TAX1BP1: variants seen among roughly 807,000 people sequenced by gnomAD.
TAX1BP1 encodes the protein tax1-binding protein 1.
Under a neutral mutation model 97.7 loss-of-function variants are expected in TAX1BP1, and 62 were observed. The observed-to-expected ratio is 0.63, with a 90% confidence interval of 0.52 to 0.78. The LOEUF (loss-of-function observed/expected upper bound fraction) is 0.78, where lower values mean the gene tolerates loss of function less well. TAX1BP1 is among the 30% of genes least tolerant of loss of function. TAX1BP1 has a pLI of 0.00. For missense variants in TAX1BP1, 867 were observed against 916.1 expected (o/e 0.95, Z 0.69); for synonymous variants, 340 against 304.2 (o/e 1.12, Z -1.23).
At chr7:27,759,630 C>T (rs1481166263) in intron 3 of TAX1BP1, among the ~76,000 whole-genome samples, 3 of 151,648 alleles carry the variant, frequency 2.0e-5, no homozygotes, top group Non-Finnish European at 4.4e-5. Flanking sequence ...TTGCTTTCCC[C>T]TGGGGCTGGC....
In TAX1BP1 at chr7:27,800,061, G is replaced by A. The variant is rs777495552; in HGVS notation, c.1735G>A (p.Glu579Lys). 2 of 1,594,592 alleles carry A rather than the reference G, an allele frequency of 1.3e-6. No individual in the cohort carries two copies. Among genetic ancestry groups the A allele is most frequent in the Non-Finnish European group, 1.7e-6 (2 of 1,170,688 alleles). The change falls in exon 13 of 17, where the codon GAA (glutamate) becomes AAA (lysine). Residue 579 changes from glutamate to lysine, a missense_variant. This residue lies in a region of TAX1BP1 where 822 missense variants were observed against 851.4 expected (regional missense o/e 0.97). Transcript: ENST00000396319. ...QVKIAENVKL[E>K]LAEVQDNYKE... Reference sequence around the variant, plus strand: ...GAAAATTGCTGAAAATGTAAAACTTGAACTAGCTGAAGTACAGGACAATTA... The same window carrying A: ...GAAAATTGCTGAAAATGTAAAACTTAAACTAGCTGAAGTACAGGACAATTA...
chr7:27,809,503 G>A (rs1205657966), intron 13 of TAX1BP1, among the ~76,000 whole-genome samples: 1 of 152,220 alleles, frequency 6.6e-6, no homozygotes, highest in African/African-American at 2.4e-5. Flanking sequence ...GTGAATGCAA[G>A]TTTAAGAACC....
intron 3 of TAX1BP1, 90 bp from the exon 4 acceptor site, chr7:27,765,744 G>A: frequency 9.0e-7 from 1 of 1,112,604 alleles, no homozygotes; most frequent in South Asian, 1.5e-5. Flanking sequence ...AACAGTGTGG[G>A]GAATGAGACA....
At position 27,793,069 on chromosome 7, in the gene TAX1BP1, A is replaced by G; in HGVS notation, c.1267A>G (p.Lys423Glu). 6.3e-7 allele frequency: 1 copy of G among 1,595,056 alleles called. No homozygotes were observed. The highest frequency in any genetic ancestry group is 1.2e-5 in the South Asian group (1 of 86,690). Residue 423 changes from lysine to glutamate, a missense_variant, in exon 10 of 17, where the codon AAG becomes GAG. Transcript: ENST00000396319. ...TCAAATGTTTGTTTCTTTCTAGGAC[A>G]AGACTGATACACTGGAACACGAACT... ...KLNAMKKDQD[K>E]TDTLEHELRR...
At chr7:27,801,137 A>AG (rs386409782) in intron 13 of TAX1BP1, among the ~76,000 whole-genome samples, 1 of 151,492 alleles carries the variant, frequency 6.6e-6, no homozygotes, top group African/African-American at 2.4e-5. Context: ...AGAGAAAAAA[A>AG]AAAAACAGGC....
At chr7:27,777,925 C>A (rs1429156898) in intron 5 of TAX1BP1, among the ~76,000 whole-genome samples, 1 of 152,094 alleles carries the variant, frequency 6.6e-6, no homozygotes, top group Non-Finnish European at 1.5e-5. Flanking sequence ...TGGTAGAGTT[C>A]ATTTGGTTCT....
chr7:27,828,507 T>C lies in TAX1BP1; in HGVS notation c.2169-121T>C, dbSNP rs563804182. 637 of 879,740 alleles carry C rather than the reference T, an allele frequency of 7.2e-4. 6 individuals are homozygous for C. In the East Asian group the frequency reaches 0.012, roughly 16 times the overall value. 54.5% of individuals were successfully genotyped at this position (879,740 alleles called of 1,614,324 possible). A position where few individuals can be genotyped will look rare whatever the true frequency, so the allele number is the denominator to read the frequency against. The stretch of plus-strand genomic sequence containing the variant: ...AGAAATGTTTCTGGAGTAAAGACTT[T>C]TAAGGTAGGTTGTTTAGTATGAATA... On this transcript the variant is annotated intron_variant, in intron 16 of 16. Transcript: ENST00000396319.
intron 2 of TAX1BP1, among the ~76,000 whole-genome samples, chr7:27,756,762 G>T (rs1788233506): frequency 6.6e-6 from 1 of 151,974 alleles, no homozygotes; most frequent in Non-Finnish European, 1.5e-5. Context: ...CAACAACTGT[G>T]AAAGGAAAAA....
chr7:27,822,991 G>A (rs1164369361), intron 15 of TAX1BP1, among the ~76,000 whole-genome samples: 1 of 152,114 alleles, frequency 6.6e-6, no homozygotes, highest in Non-Finnish European at 1.5e-5. Flanking sequence ...AAAACTAACA[G>A]ATGTGCAAAA....
intron 1 of TAX1BP1, among the ~76,000 whole-genome samples, chr7:27,747,703 T>C (rs184508439): frequency 1.0e-3 from 153 of 151,930 alleles, no homozygotes; most frequent in Non-Finnish European, 1.9e-3. Flanking sequence ...TGGAAATGAG[T>C]GAGAGGTAGA....
Position 27,793,168 on chromosome 7 carries a change from T to C in TAX1BP1, c.1366T>C (p.Cys456Arg). 6.3e-7 allele frequency: 1 copy of C among 1,592,318 alleles called. No homozygotes were observed. ...CCATTATAAAGAAAAATTTAAGGAATGCCAAAGGCTCCAAAAACAAATAAA... is the reference window on the plus strand; with the variant it reads ...CCATTATAAAGAAAAATTTAAGGAACGCCAAAGGCTCCAAAAACAAATAAA... ...ADHYKEKFKE[C>R]QRLQKQINKL... The change falls in exon 10 of 17, where the codon TGC (cysteine) becomes CGC (arginine). Residue 456 changes from cysteine to arginine, a missense_variant. Physicochemically the swap from Cys to Arg is radical, Grantham distance 180. This residue lies in a region of TAX1BP1 where 822 missense variants were observed against 851.4 expected (regional missense o/e 0.97). Coordinates refer to ENST00000396319, the MANE Select transcript of TAX1BP1 (RefSeq NM_006024.7).
intron 11 of TAX1BP1, 58 bp downstream of exon 11, chr7:27,794,504 G>T: frequency 6.9e-7 from 1 of 1,447,904 alleles, no homozygotes; most frequent in East Asian, 2.4e-5. Flanking sequence ...TACTTATACT[G>T]CCTTCTTCCA....
At chr7:27,787,046 CAG>C (rs1190053596) in intron 7 of TAX1BP1, among the ~76,000 whole-genome samples, 6 of 152,192 alleles carry the variant, frequency 3.9e-5, no homozygotes, top group African/African-American at 1.2e-4. Flanking sequence ...TCTAGTTTTC[CAG>C]AGTCTTGTCG....
At chr7:27,824,549 C>CAAA (rs34757943) in intron 15 of TAX1BP1, among the ~76,000 whole-genome samples, 3,969 of 91,332 alleles carry the variant, frequency 0.043, 264 homozygotes, top group African/African-American at 0.15. Flanking sequence ...GACCTTGTCT[C>CAAA]AAAAAAAAAA....
intron 15 of TAX1BP1, among the ~76,000 whole-genome samples, chr7:27,821,108 TA>T (rs1487809366): frequency 6.6e-6 from 1 of 152,212 alleles, no homozygotes; most frequent in Non-Finnish European, 1.5e-5. Context: ...TCAAAAGGAT[TA>T]AATGAATCTT....
chr7:27,784,400 G>A (rs1447151480), intron 5 of TAX1BP1, among the ~76,000 whole-genome samples: 1 of 152,088 alleles, frequency 6.6e-6, no homozygotes, highest in East Asian at 1.9e-4. Context: ...CATTCAATTT[G>A]TTGCACTTAC....
At chr7:27,795,793 G>A (rs932405244) in intron 11 of TAX1BP1, among the ~76,000 whole-genome samples, 3 of 151,958 alleles carry the variant, frequency 2.0e-5, no homozygotes, top group Admixed American at 6.6e-5. Context: ...CCTCGGCCTC[G>A]ACCCGCCTTG....
intron 13 of TAX1BP1, among the ~76,000 whole-genome samples, chr7:27,803,971 A>G (rs1790238200): frequency 6.6e-6 from 1 of 152,220 alleles, no homozygotes; most frequent in African/African-American, 2.4e-5. Flanking sequence ...CTCAAAGTGA[A>G]ATGAAATGAG....
At chr7:27,768,389 A>G (rs1450551103) in intron 4 of TAX1BP1, among the ~76,000 whole-genome samples, 1 of 152,060 alleles carries the variant, frequency 6.6e-6, no homozygotes, top group African/African-American at 2.4e-5. Context: ...GAAATGAGAC[A>G]TATACATTCT....
Sources: allele counts gnomAD v4.1 joint callset (sites outside exome capture counted in the v4.1 genomes callset), GRCh38; gene constraint gnomAD v4.1.1; regional missense constraint gnomAD v4.1.1; transcripts MANE v1.5; gene names NCBI Gene and HGNC (gene_info 2026-07-23, HGNC 2026-07-21).